ZNF850: variants seen among roughly 807,000 people sequenced by gnomAD.
ZNF850 encodes the protein zinc finger protein 850.
ZNF850 carries 2 observed loss-of-function variants against 11.9 expected under a neutral mutation model. That is an observed-to-expected ratio of 0.17 (90% CI 0.07 to 0.53). The LOEUF is 0.53. ZNF850 is among the 20% of genes least tolerant of loss of function. ZNF850 has a pLI of 0.94. For synonymous variants in ZNF850, 381 were observed against 443.0 expected (o/e 0.86, Z 1.76); for missense variants, 1,014 against 1,316.4 (o/e 0.77, Z 3.55).
Position 36,745,742 on chromosome 19 carries a change from C to T in ZNF850, c.*2025G>A, listed in dbSNP as rs1307645755. 1 of 152,094 alleles carries T rather than the reference C, an allele frequency of 6.6e-6. No homozygotes were observed. Among genetic ancestry groups the T allele is most frequent in the Non-Finnish European group, 1.5e-5 (1 of 68,116 alleles). The allele number at this position is 152,094 out of a possible 1,614,324, so 9.4% of individuals were successfully genotyped here. ...GTGCAGTGGCTCATGATTGTAATCC[C>T]AGCACTTTGAGAGGACAAGGTGGGC... is the stretch of plus-strand genomic sequence containing the variant. On this transcript the variant is annotated 3_prime_UTR_variant, in exon 5 of 5. Transcript: ENST00000591344.
At chr19:36,767,756 A>C (rs551476640) in intron 1 of ZNF850, among the ~76,000 whole-genome samples, 1 of 151,542 alleles carries the variant, frequency 6.6e-6, no homozygotes, top group South Asian at 2.1e-4. Flanking sequence ...ATAAAAAAGA[A>C]CTTTTATTTG....
chr19:36,751,530 C>G (rs2040454017), intron 4 of ZNF850, among the ~76,000 whole-genome samples: 1 of 151,672 alleles, frequency 6.6e-6, no homozygotes, highest in Non-Finnish European at 1.5e-5. Context: ...GAAACCCTGT[C>G]TCTATTAAAA....
At position 36,749,188 on chromosome 19, in the gene ZNF850, C is replaced by A. The variant is rs1374632879; in HGVS notation, c.1852G>T (p.Asp618Tyr). The A allele has an allele frequency of 6.2e-7, 1 of 1,604,870 alleles. No individual in the cohort carries two copies. The highest frequency in any genetic ancestry group is 2.2e-5 in the East Asian group (1 of 44,606). ...QQIHTGEKPY[D>Y]CKECGKAFRL... The stretch of plus-strand genomic sequence containing the variant: ...AAGGCCTTCCCACATTCCTTACAAT[C>A]ATAAGGTTTCTCACCAGTGTGAATT... Residue 618 changes from aspartate to tyrosine, a missense_variant, in exon 5 of 5, where the codon GAT becomes TAT. By Grantham distance (160) the Asp-to-Tyr change is radical. Transcript: ENST00000591344.
chr19:36,752,960 T>C (rs139748562), intron 4 of ZNF850, among the ~76,000 whole-genome samples: 226 of 152,226 alleles, frequency 1.5e-3, no homozygotes, highest in Non-Finnish European at 2.7e-3. Context: ...ATGAGTGCCA[T>C]GGATGGTAAA....
In ZNF850 at chr19:36,749,700, T is replaced by C; in HGVS notation, c.1340A>G (p.Lys447Arg). Residue 447 changes from lysine to arginine, a missense_variant, in exon 5 of 5, where the codon AAA becomes AGA. By Grantham distance (26) the Lys-to-Arg change is conservative. This residue lies in a region of ZNF850 where 835 missense variants were observed against 1,022.0 expected (regional missense o/e 0.82). Transcript: ENST00000591344. ...CCCACACTCCTTACAATCATAGGGT[T>C]TCTCACCAGTGTGAATTCGCTGATG... ...IQHQRIHTGE[K>R]PYDCKECGKS... 1 of 1,560,348 alleles carries C rather than the reference T, an allele frequency of 6.4e-7. No homozygotes were observed.
chr19:36,765,261 A>G (rs2040542629), intron 1 of ZNF850, among the ~76,000 whole-genome samples: 1 of 152,210 alleles, frequency 6.6e-6, no homozygotes, highest in African/African-American at 2.4e-5. Context: ...ACTTGAAGAA[A>G]TGCTTTCACA....
rs764749188 is a variant in ZNF850 at position 36,761,634 on chromosome 19, C to T, written c.235+9G>A. The T allele has an allele frequency of 1.3e-4, 193 of 1,515,946 alleles. No homozygotes were observed. The highest frequency in any genetic ancestry group is 1.7e-4 in the Non-Finnish European group (188 of 1,126,356). The allele number at this position is 1,515,946 out of a possible 1,614,324, so 93.9% of individuals were successfully genotyped here. A position where few individuals can be genotyped will look rare whatever the true frequency, so the allele number is the denominator to read the frequency against. ...CAGTGTCTTCCCCATGTGCTCAGTC[C>T]TTACTCACCTCGGCACCATCCTCCC... On this transcript the variant is annotated intron_variant, in intron 4 of 4. Coordinates refer to ENST00000591344, the MANE Select transcript of ZNF850 (RefSeq NM_001193552.2).
At chr19:36,764,504 C>T (rs1216928169) in intron 1 of ZNF850, among the ~76,000 whole-genome samples, 1 of 152,116 alleles carries the variant, frequency 6.6e-6, no homozygotes, top group Admixed American at 6.6e-5. Context: ...TAGCCATTCT[C>T]CTGAGAGACC....
rs191685395 is a variant in ZNF850 at position 36,759,732 on chromosome 19, T to A, written c.235+1911A>T. 9.7e-4 allele frequency among the ~76,000 whole-genome samples: 148 copies of A among 152,192 alleles called. 2 individuals carry two copies. The highest frequency in any genetic ancestry group is 8.3e-3 in the East Asian group (43 of 5,180). ...AATCAAGTTAATAATTAAAAAAAAA[T>A]TTTTTTGTAATGTTCTATGGATAAA... On this transcript the variant is annotated intron_variant, in intron 4 of 4. Transcript: ENST00000591344.
At chr19:36,761,851 GC>G in intron 3 of ZNF850, 113 bp from the exon 4 acceptor site, 1 of 597,678 alleles carries the variant, frequency 1.7e-6, no homozygotes, top group Non-Finnish European at 2.9e-6. Flanking sequence ...TTCAAGACCA[GC>G]CTGACCAACA....
chr19:36,751,930 A>T (rs1046910639), intron 4 of ZNF850, among the ~76,000 whole-genome samples: 18 of 152,130 alleles, frequency 1.2e-4, no homozygotes, highest in Non-Finnish European at 2.4e-4. Context: ...CTCTGTACTA[A>T]CCTCACAACT....
chr19:36,757,503 C>CTTT (rs57226971), intron 4 of ZNF850, among the ~76,000 whole-genome samples: 7 of 97,388 alleles, frequency 7.2e-5, no homozygotes, highest in African/African-American at 1.2e-4. Flanking sequence ...AATATAGTTT[C>CTTT]TTTTTTTTTT....
chr19:36,768,555 A>T lies in ZNF850; in HGVS notation c.-70+4170T>A, dbSNP rs572239842. On this transcript the variant is annotated intron_variant, in intron 1 of 4. Transcript: ENST00000591344. ...CAAATTTCCCTATCTATGAAAGCTA[A>T]ATTTGGATATTTTCATCTCAAGTAT... is the stretch of plus-strand genomic sequence containing the variant. Among the ~76,000 whole-genome samples the T allele has an allele frequency of 2.0e-5, 3 of 152,264 alleles. No homozygotes were observed. The East Asian group carries it at 5.8e-4, about 29-fold the overall frequency.
At chr19:36,758,216 G>C (rs761198793) in intron 4 of ZNF850, among the ~76,000 whole-genome samples, 1 of 151,968 alleles carries the variant, frequency 6.6e-6, no homozygotes, top group African/African-American at 2.4e-5. Flanking sequence ...CTCCTAGCAG[G>C]GTGCCCATTT....
At chr19:36,755,595 A>C (rs140916256) in intron 4 of ZNF850, among the ~76,000 whole-genome samples, 68 of 152,186 alleles carry the variant, frequency 4.5e-4, no homozygotes, top group African/African-American at 1.6e-3. Context: ...GGCAACAGGC[A>C]AAAAGCAAAG....
Position 36,744,412 on chromosome 19 carries a change from A to G in ZNF850, c.*3355T>C, listed in dbSNP as rs915317835. 1.3e-5 allele frequency: 2 copies of G among 152,036 alleles called. No homozygotes were observed. Among genetic ancestry groups the G allele is most frequent in the Admixed American group, 6.6e-5 (1 of 15,248 alleles). 9.4% of individuals were successfully genotyped at this position (152,036 alleles called of 1,614,324 possible). On this transcript the variant is annotated 3_prime_UTR_variant, in exon 5 of 5. Transcript: ENST00000591344. ...GAGGCTGAGGTGCTAGGACCAATTG[A>G]GCCCAAGAGTTCAAGACCAGCCTGG...
In ZNF850 at chr19:36,745,352, C is replaced by T. The variant is rs2040405780; in HGVS notation, c.*2415G>A. 6.6e-6 allele frequency: 1 copy of T among 152,006 alleles called. No individual in the cohort carries two copies. The allele number at this position is 152,006 out of a possible 1,614,324, so 9.4% of individuals were successfully genotyped here. ...GATGAGGTAAGATTTTTTTCATCAA[C>T]TTTATTGAAGTGTAATTTACATATA... is the stretch of plus-strand genomic sequence containing the variant. On this transcript the variant is annotated 3_prime_UTR_variant, in exon 5 of 5. Transcript: ENST00000591344.
intron 4 of ZNF850, among the ~76,000 whole-genome samples, chr19:36,758,773 A>G (rs985275229): frequency 2.0e-5 from 3 of 152,180 alleles, no homozygotes; most frequent in African/African-American, 7.2e-5. Flanking sequence ...CTAGACTGTC[A>G]TGAGCTTTAA....
intron 4 of ZNF850, among the ~76,000 whole-genome samples, chr19:36,759,834 G>A (rs1305075892): frequency 2.0e-5 from 3 of 152,096 alleles, no homozygotes; most frequent in Non-Finnish European, 4.4e-5. Context: ...AGCACATTTT[G>A]AAAAACAAAA....
Sources: gnomAD v4.1 joint callset for allele counts (sites outside exome capture counted in the v4.1 genomes callset) on GRCh38, gnomAD v4.1.1 for gene constraint, gnomAD v4.1.1 regional missense constraint, MANE v1.5 for transcripts, NCBI Gene and HGNC (gene_info 2026-07-23, HGNC 2026-07-21) for gene names.